The following TBX1 variants were observed in gnomAD, a reference collection of about 807,000 sequenced individuals.
TBX1 encodes T-box transcription factor 1.
A neutral mutation model predicts 40.8 loss-of-function variants in TBX1; 16 were observed. The observed-to-expected ratio is 0.39, with a 90% CI of 0.27 to 0.60. The LOEUF is 0.60. Among genes scored for constraint, TBX1 ranks in the 20% least tolerant of loss-of-function variants. The probability of loss-of-function intolerance (pLI) is 0.51; values close to 1 mark genes in which losing one functional copy is unlikely to be tolerated. For synonymous variants in TBX1, 403 were observed against 336.8 expected (o/e 1.20, Z -2.15); for missense variants, 755 against 728.5 (o/e 1.04, Z -0.42).
At position 19,765,836 on chromosome 22, in the gene TBX1, T is replaced by TC; in HGVS notation, c.935+16dup. On this transcript the variant is annotated intron_variant, in intron 5 of 6. Coordinates refer to ENST00000649276, the MANE Select transcript of TBX1 (RefSeq NM_001379200.1). The stretch of plus-strand genomic sequence containing the variant: ...TGACCCTGAGGACTGGTGAGTGTCC[T>TC]CCCCCGAGAGAGTGAGCGCCGGGCG... The TC allele has an allele frequency of 1.4e-5, 23 of 1,597,414 alleles. No homozygotes were observed. The highest frequency in any genetic ancestry group is 1.9e-5 in the Non-Finnish European group (22 of 1,172,774).
intron 8 of TBX1, among the ~76,000 whole-genome samples, chr22:19,777,869 C>T (rs1253743196): frequency 6.6e-6 from 1 of 151,078 alleles, no homozygotes; most frequent in Admixed American, 6.6e-5. Flanking sequence ...AAGTGATCCT[C>T]TTACCTCAAC....
At chr22:19,773,249 G>T (rs974949243) in intron 8 of TBX1, among the ~76,000 whole-genome samples, 2 of 152,174 alleles carry the variant, frequency 1.3e-5, no homozygotes, top group African/African-American at 4.8e-5. Context: ...TGCCTGCTCC[G>T]CCACCTCCTG....
Position 19,761,047 on chromosome 22 carries a change from C to T in TBX1, c.204C>T (p.Gly68=). Residue 68 remains glycine (G), a synonymous_variant, in exon 1 of 7, where the codon GGC becomes GGT. Coordinates refer to ENST00000649276, the MANE Select transcript of TBX1 (RefSeq NM_001379200.1). The stretch of plus-strand genomic sequence containing the variant: ...ACCCGTGCGCCGCCGCCGCCCCCGG[C>T]GCCCCGGGCCCGCCGCCGCCGCCGC... The part of the protein sequence containing the change: ...RYDPCAAAAP[G]APGPPPPPHA... The T allele has an allele frequency of 3.4e-6, 3 of 892,022 alleles. No homozygotes were observed. Among genetic ancestry groups the T allele is most frequent in the Non-Finnish European group, 4.0e-6 (3 of 748,204 alleles). 55.3% of individuals were successfully genotyped at this position (892,022 alleles called of 1,614,324 possible). A position where few individuals can be genotyped will look rare whatever the true frequency, so the allele number is the denominator to read the frequency against.
At chr22:19,769,471 G>A (rs1936951622), downstream of TBX1, among the ~76,000 whole-genome samples, 1 of 152,226 alleles carries the variant, frequency 6.6e-6, no homozygotes, top group Admixed American at 6.5e-5. Context: ...TTGTAAATGA[G>A]AGCTCGCAGG....
rs1252023187 is a variant in TBX1 at position 19,766,689 on chromosome 22, C to G, written c.1337C>G (p.Pro446Arg). 1.3e-6 allele frequency: 2 copies of G among 1,549,162 alleles called. No homozygotes were observed. The highest frequency in any genetic ancestry group is 2.3e-5 in the South Asian group (2 of 86,394). ...LGAKSRPAPY[P>R]LPGLRGHGYH... is the part of the protein sequence containing the mutation. ...GCCAAGAGCCGGCCGGCGCCCTACC[C>G]GCTGCCCGGCCTGCGTGGCCACGGC... Residue 446 changes from proline to arginine, a missense_variant, in exon 7 of 7, where the codon CCG (proline) becomes CGG (arginine). Pro to Arg is a moderately radical substitution (Grantham distance 103). Coordinates refer to ENST00000649276, the MANE Select transcript of TBX1 (RefSeq NM_001379200.1).
chr22:19,766,839 C>T lies in TBX1; in HGVS notation c.1487C>T (p.Pro496Leu), dbSNP rs1186907386. Residue 496 changes from proline to leucine, a missense_variant, in exon 7 of 7, where the codon CCC (proline) becomes CTC (leucine). Pro to Leu is a moderately conservative substitution (Grantham distance 98). This residue lies in a region of TBX1 where 412 missense variants were observed against 317.6 expected (regional missense o/e 1.30). Transcript: ENST00000649276. The stretch of plus-strand genomic sequence containing the variant: ...TACTCGTCGGCCGGAGCCGCGCCGC[C>T]CGGCTCCTACGACTATTGCCCCAGA... ...NMYSSAGAAPPGSYDYCPR is the reference protein window; with the variant it reads ...NMYSSAGAAPLGSYDYCPR The T allele has an allele frequency of 6.4e-7, 1 of 1,573,612 alleles. No individual in the cohort carries two copies. The highest frequency in any genetic ancestry group is 2.4e-5 in the East Asian group (1 of 41,934).
chr22:19,776,930 C>T (rs1283338361), intron 8 of TBX1, among the ~76,000 whole-genome samples: 1 of 151,988 alleles, frequency 6.6e-6, no homozygotes, highest in African/African-American at 2.4e-5. Context: ...GTACAGAACA[C>T]AGATCAGCCA....
At chr22:19,780,396 A>G (rs934703451), downstream of TBX1, among the ~76,000 whole-genome samples, 1 of 152,184 alleles carries the variant, frequency 6.6e-6, no homozygotes, top group Non-Finnish European at 1.5e-5. Context: ...GGCTTAGTTC[A>G]CTGAGTGTAA....
chr22:19,762,900 C>T (rs901091654), intron 1 of TBX1, among the ~76,000 whole-genome samples: 2 of 152,180 alleles, frequency 1.3e-5, no homozygotes, highest in Non-Finnish European at 2.9e-5. Flanking sequence ...CACCCTGCTG[C>T]CGGCCGAAGC....
chr22:19,783,388 G>A, downstream of TBX1: 1 of 343,348 alleles, frequency 2.9e-6, no homozygotes, highest in South Asian at 2.3e-5. Context: ...CTGTTCCCAG[G>A]CCACCTGCAC....
chr22:19,762,104 C>G (rs1936687243), intron 1 of TBX1, among the ~76,000 whole-genome samples: 1 of 152,226 alleles, frequency 6.6e-6, no homozygotes, highest in South Asian at 2.1e-4. Flanking sequence ...TCTGAGGAAC[C>G]TGGGCCTGTG....
At position 19,766,574 on chromosome 22, in the gene TBX1, G is replaced by A; in HGVS notation, c.1222G>A (p.Glu408Lys). The A allele has an allele frequency of 6.9e-7, 1 of 1,456,106 alleles. No individual in the cohort carries two copies. Among genetic ancestry groups the A allele is most frequent in the South Asian group, 1.3e-5 (1 of 75,646 alleles). The allele number at this position is 1,456,106 out of a possible 1,614,324, so 90.2% of individuals were successfully genotyped here. ...PGGRPSPPNP[E>K]LRLEAPGASE... ...AGGCCGGCCCAGTCCCCCGAACCCC[G>A]AGCTGCGCCTGGAGGCGCCCGGCGC... The change falls in exon 7 of 7, where the codon GAG becomes AAG. Residue 408 changes from glutamate to lysine, a missense_variant. Around this residue, in one of 3 missense-constraint regions of TBX1, gnomAD observed 412 missense variants for 317.6 expected, o/e 1.30. Transcript: ENST00000649276.
upstream of TBX1, chr22:19,759,638 G>A: frequency 6.2e-7 from 1 of 1,612,310 alleles, no homozygotes; most frequent in Non-Finnish European, 8.5e-7. Context: ...AGGATCCCCG[G>A]CAGGGATGCA....
chr22:19,772,053 C>G (rs1319627542), downstream of TBX1, among the ~76,000 whole-genome samples: 1 of 152,226 alleles, frequency 6.6e-6, no homozygotes, highest in Non-Finnish European at 1.5e-5. Flanking sequence ...CTAGTCTTCC[C>G]CATCTCCTCT....
intron 4 of TBX1, 111 bp from the exon 5 acceptor site, chr22:19,765,647 C>A: frequency 8.4e-7 from 1 of 1,194,090 alleles, no homozygotes; most frequent in Non-Finnish European, 1.2e-6. Context: ...CTTGTCAGGG[C>A]AGCAGAAAGG....
chr22:19,760,981 G>C lies in TBX1; in HGVS notation c.138G>C (p.Pro46=), dbSNP rs1661779898. 1 of 967,874 alleles carries C rather than the reference G, an allele frequency of 1.0e-6. No homozygotes were observed. The highest frequency in any genetic ancestry group is 1.2e-6 in the Non-Finnish European group (1 of 817,008). 60.0% of individuals were successfully genotyped at this position (967,874 alleles called of 1,614,324 possible). Residue 46 remains proline (P), a synonymous_variant, in exon 1 of 7, where the codon CCG becomes CCC. Transcript: ENST00000649276. ...FPGAASPGAD[P]YGPREPPPPP... is the part of the protein sequence containing the mutation. ...GCGCCGCGTCGCCCGGCGCCGACCC[G>C]TACGGCCCGCGCGAGCCCCCGCCGC...
At chr22:19,764,813 C>G (rs969555748) in intron 3 of TBX1, 145 bp from the exon 4 acceptor site, 61 of 1,013,932 alleles carry the variant, frequency 6.0e-5, no homozygotes, top group Non-Finnish European at 8.4e-5. Flanking sequence ...GCCCAGTGAC[C>G]CAGCCTCATC....
downstream of TBX1, among the ~76,000 whole-genome samples, chr22:19,780,656 G>A: frequency 6.6e-6 from 1 of 151,942 alleles, no homozygotes; most frequent in East Asian, 1.9e-4. Flanking sequence ...TGGCTCATAT[G>A]GTAATTCTAT....
chr22:19,765,679 C>G, intron 4 of TBX1, 79 bp from the exon 5 acceptor site: 1 of 1,523,058 alleles, frequency 6.6e-7, no homozygotes, highest in Non-Finnish European at 9.0e-7. Context: ...CTTCTCCTAA[C>G]ACTCCCCTAT....
Sources: allele counts gnomAD v4.1 joint callset (sites outside exome capture counted in the v4.1 genomes callset), GRCh38; gene constraint gnomAD v4.1.1; regional missense constraint gnomAD v4.1.1; transcripts MANE v1.5; gene names NCBI Gene and HGNC (gene_info 2026-07-23, HGNC 2026-07-21).